SGCD: variants seen among roughly 807,000 people sequenced by gnomAD.
SGCD encodes the protein delta-sarcoglycan.
Under a neutral mutation model 36.6 loss-of-function variants are expected in SGCD, and 18 were observed. That is an observed-to-expected ratio of 0.49 (90% CI 0.34 to 0.73). SGCD has a LOEUF of 0.73. Ranked by LOEUF, SGCD falls within the 30% of genes least tolerant of loss-of-function variation. The pLI is 0.01. For missense variants in SGCD, 387 were observed against 346.7 expected (o/e 1.12, Z -0.92); for synonymous variants, 133 against 130.6 (o/e 1.02, Z -0.12).
intron 3 of SGCD, among the ~76,000 whole-genome samples, chr5:156,378,919 C>A (rs1269911451): frequency 2.0e-5 from 3 of 152,032 alleles, no homozygotes; most frequent in Admixed American, 1.3e-4. Context: ...ATAAAATCAC[C>A]ATCCCAGATA....
At chr5:156,167,138 C>T (rs1581142021) in intron 3 of SGCD, among the ~76,000 whole-genome samples, 2 of 152,152 alleles carry the variant, frequency 1.3e-5, no homozygotes, top group Admixed American at 1.3e-4. Context: ...AGTTCTCTCT[C>T]AGCTTGCCTG....
chr5:156,669,619 G>A (rs1237973919), intron 7 of SGCD, among the ~76,000 whole-genome samples: 2 of 152,088 alleles, frequency 1.3e-5, no homozygotes, highest in African/African-American at 4.8e-5. Context: ...TTCAAGACAG[G>A]GTATTATGCC....
chr5:155,770,144 C>T, the SGCD span, among the ~76,000 whole-genome samples: 6 of 146,210 alleles, frequency 4.1e-5, no homozygotes, highest in Non-Finnish European at 7.4e-5. Context: ...GACCACCACA[C>T]CCCTGTCCCC....
intron 1 of SGCD, among the ~76,000 whole-genome samples, chr5:156,094,066 C>T (rs10052360): frequency 1.8e-4 from 28 of 152,264 alleles, no homozygotes; most frequent in African/African-American, 5.8e-4. Context: ...ATTCCAGTTC[C>T]CTCATCATAC....
chr5:155,949,659 T>G (rs368560915), intron 1 of SGCD, among the ~76,000 whole-genome samples: 11 of 152,292 alleles, frequency 7.2e-5, no homozygotes, highest in African/African-American at 2.6e-4. Context: ...TTACATGAAA[T>G]TCATATTTCA....
At chr5:156,672,344 G>A (rs1424427989) in intron 7 of SGCD, among the ~76,000 whole-genome samples, 1 of 152,184 alleles carries the variant, frequency 6.6e-6, no homozygotes, top group Non-Finnish European at 1.5e-5. Context: ...TAAACAGTAA[G>A]GGTGGTCTGG....
At chr5:155,969,913 T>A (rs909082324) in intron 1 of SGCD, among the ~76,000 whole-genome samples, 2 of 152,126 alleles carry the variant, frequency 1.3e-5, no homozygotes, top group African/African-American at 4.8e-5. Flanking sequence ...ATTGGATAAT[T>A]TCTAAAACTC....
chr5:156,137,486 A>C (rs1442782439), intron 3 of SGCD, among the ~76,000 whole-genome samples: 1 of 152,188 alleles, frequency 6.6e-6, no homozygotes, highest in East Asian at 1.9e-4. Flanking sequence ...GGGAGGCATA[A>C]ATTTTCTAAT....
At chr5:156,601,761 G>T (rs975160562) in intron 6 of SGCD, among the ~76,000 whole-genome samples, 2 of 152,156 alleles carry the variant, frequency 1.3e-5, no homozygotes, top group African/African-American at 4.8e-5. Context: ...TTGGCTCACT[G>T]CAAGCTCCAC....
At chr5:156,370,573 C>T (rs1770328315) in intron 3 of SGCD, among the ~76,000 whole-genome samples, 1 of 152,168 alleles carries the variant, frequency 6.6e-6, no homozygotes, top group South Asian at 2.1e-4. Context: ...GATTTATGTG[C>T]TTTATTCGTT....
At chr5:156,746,419 G>A (rs1756939607) in intron 7 of SGCD, among the ~76,000 whole-genome samples, 1 of 152,172 alleles carries the variant, frequency 6.6e-6, no homozygotes, top group Non-Finnish European at 1.5e-5. Context: ...GTAACAGAAG[G>A]AATATGTAAA....
At chr5:156,630,382 C>A (rs779294611) in intron 6 of SGCD, among the ~76,000 whole-genome samples, 8 of 152,152 alleles carry the variant, frequency 5.3e-5, no homozygotes, top group Non-Finnish European at 1.0e-4. Flanking sequence ...GACAAGCAGG[C>A]AAACTGACAC....
rs947848166 is a variant in SGCD at position 156,491,791 on chromosome 5, A to T, written c.193-16810A>T. 5.1e-4 allele frequency among the ~76,000 whole-genome samples: 78 copies of T among 152,260 alleles called. 1 individual carries two copies. Among genetic ancestry groups the T allele is most frequent in the African/African-American group, 1.7e-3 (72 of 41,572 alleles). On this transcript the variant is annotated intron_variant, in intron 3 of 8. Coordinates refer to ENST00000337851, the MANE Select transcript of SGCD (RefSeq NM_000337.6). Reference sequence around the variant, plus strand: ...CATTTCATTAAGCAGTTATCTTATTAGTACCTGTGGTAGTCCCATTCCTAG... The same window carrying T: ...CATTTCATTAAGCAGTTATCTTATTTGTACCTGTGGTAGTCCCATTCCTAG...
intron 1 of SGCD, among the ~76,000 whole-genome samples, chr5:156,046,485 T>G (rs929533986): frequency 6.6e-6 from 1 of 152,172 alleles, no homozygotes; most frequent in African/African-American, 2.4e-5. Flanking sequence ...TTTCCAAAAG[T>G]GTGTGCTCAC....
At chr5:156,673,506 C>T (rs1005525561) in intron 7 of SGCD, among the ~76,000 whole-genome samples, 8 of 152,182 alleles carry the variant, frequency 5.3e-5, no homozygotes, top group African/African-American at 1.9e-4. Context: ...TTGCCGCTTC[C>T]TATTCACAAC....
intron 3 of SGCD, among the ~76,000 whole-genome samples, chr5:156,145,715 G>T (rs1762694355): frequency 6.6e-6 from 1 of 152,094 alleles, no homozygotes; most frequent in Admixed American, 6.6e-5. Flanking sequence ...GAAGAAAAAT[G>T]AAGCACTTAC....
chr5:156,427,874 C>T (rs1401219614), intron 3 of SGCD, among the ~76,000 whole-genome samples: 2 of 152,106 alleles, frequency 1.3e-5, no homozygotes, highest in East Asian at 1.9e-4. Context: ...TCCCTGTATC[C>T]CTGGTATGAA....
intron 7 of SGCD, among the ~76,000 whole-genome samples, chr5:156,673,640 A>C (rs1353439782): frequency 6.6e-6 from 1 of 152,212 alleles, no homozygotes; most frequent in Non-Finnish European, 1.5e-5. Flanking sequence ...AGCACAGAGG[A>C]ATTTGAATCC....
chr5:156,135,825 C>T (rs1012800291), intron 3 of SGCD, among the ~76,000 whole-genome samples: 7 of 152,064 alleles, frequency 4.6e-5, no homozygotes, highest in African/African-American at 1.4e-4. Flanking sequence ...ACACTTACTC[C>T]TTTAAGAGAC....
Sources: gnomAD v4.1 joint callset for allele counts (sites outside exome capture counted in the v4.1 genomes callset) on GRCh38, gnomAD v4.1.1 for gene constraint, MANE v1.5 for transcripts, NCBI Gene and HGNC (gene_info 2026-07-23, HGNC 2026-07-21) for gene names.